Variants in PHLPP1 observed in about 807,000 individuals in gnomAD.
PHLPP1 encodes the protein PH domain and leucine rich repeat protein phosphatase 1, also known as PH domain leucine-rich repeat-containing protein phosphatase 1.
In PHLPP1, 42 loss-of-function variants were observed where a neutral mutation model predicts 117.2. The ratio of observed to expected loss-of-function variants is 0.36; its 90% CI spans 0.28 to 0.46. PHLPP1 has a LOEUF of 0.46. PHLPP1 is among the 20% of genes least tolerant of loss of function. The pLI is 1.00. For missense variants in PHLPP1, 2,084 were observed against 2,241.9 expected, an observed-to-expected ratio of 0.93 and a Z score of 1.42; for synonymous variants, 1,042 against 970.7, an observed-to-expected ratio of 1.07 and a Z score of -1.37.
chr18:62,785,205 G>A (rs936321547), intron 1 of PHLPP1, among the ~76,000 whole-genome samples: 2 of 152,178 alleles, frequency 1.3e-5, no homozygotes, highest in African/African-American at 2.4e-5. Flanking sequence ...TAGTGCCGTG[G>A]CTGCCAACAG....
intron 10 of PHLPP1, among the ~76,000 whole-genome samples, chr18:62,924,358 T>C (rs1909562714): frequency 6.6e-6 from 1 of 152,084 alleles, no homozygotes; most frequent in African/African-American, 2.4e-5. Context: ...GCTTTATATG[T>C]TTCAGTGGTT....
intron 1 of PHLPP1, among the ~76,000 whole-genome samples, chr18:62,718,368 A>G (rs1227660316): frequency 6.6e-6 from 1 of 152,266 alleles, no homozygotes; most frequent in East Asian, 1.9e-4. Context: ...ATTCTTTACA[A>G]TTTAATGTCT....
intron 1 of PHLPP1, among the ~76,000 whole-genome samples, chr18:62,774,840 C>T (rs1912901246): frequency 6.6e-6 from 1 of 150,730 alleles, no homozygotes; most frequent in African/African-American, 2.4e-5. Flanking sequence ...TGGGAACAAA[C>T]AAAAATACCT....
At chr18:62,850,968 G>C (rs989188639) in intron 3 of PHLPP1, among the ~76,000 whole-genome samples, 1 of 152,184 alleles carries the variant, frequency 6.6e-6, no homozygotes, top group Non-Finnish European at 1.5e-5. Context: ...CCCTGTGTGT[G>C]CTCTTATGGC....
intron 10 of PHLPP1, among the ~76,000 whole-genome samples, chr18:62,921,542 A>T (rs1225264998): frequency 6.6e-6 from 1 of 152,172 alleles, no homozygotes; most frequent in Admixed American, 6.5e-5. Flanking sequence ...CCATTATTAG[A>T]TTACTAACAC....
Position 62,715,829 on chromosome 18 carries a change from G to T in PHLPP1, c.146G>T (p.Arg49Leu). 1 of 752,810 alleles carries T rather than the reference G, an allele frequency of 1.3e-6. No homozygotes were observed. Among genetic ancestry groups the T allele is most frequent in the South Asian group, 5.8e-5 (1 of 17,340 alleles). The allele number at this position is 752,810 out of a possible 1,614,324, so 46.6% of individuals were successfully genotyped here. ...AALAAAAGGG[R>L]SPEPALTPAA... ...CTGGCGGCGGCGGCCGGGGGCGGCC[G>T]GAGTCCGGAGCCCGCGCTGACCCCG... The change falls in exon 1 of 17, where the codon CGG (arginine) becomes CTG (leucine). Residue 49 changes from arginine to leucine, a missense_variant. Arg to Leu is a moderately radical substitution (Grantham distance 102). This residue lies in a region of PHLPP1 where 719 missense variants were observed against 636.0 expected (regional missense o/e 1.13). Coordinates refer to ENST00000262719, the MANE Select transcript of PHLPP1 (RefSeq NM_194449.4).
intron 4 of PHLPP1, among the ~76,000 whole-genome samples, chr18:62,887,872 G>T (rs1288203933): frequency 6.6e-6 from 1 of 152,062 alleles, no homozygotes; most frequent in Non-Finnish European, 1.5e-5. Context: ...CAAGTAGCTG[G>T]GACCACAGGC....
In PHLPP1 at chr18:62,716,007, C is replaced by A. The variant is rs1910714875; in HGVS notation, c.324C>A (p.Pro108=). The change falls in exon 1 of 17, where the codon CCC becomes CCA. Residue 108 remains proline, a synonymous_variant. Transcript: ENST00000262719. The surrounding 1 kb of genome is among the most constrained non-coding windows in gnomAD (Gnocchi z 5.7). ...APQPIAGGAA[P]VPGAGGGANS... ...AGCCCATTGCCGGCGGGGCTGCCCC[C>A]GTACCCGGGGCCGGCGGCGGCGCCA... 3.6e-6 allele frequency: 5 copies of A among 1,380,912 alleles called. No individual in the cohort carries two copies. Among genetic ancestry groups the A allele is most frequent in the East Asian group, 3.1e-5 (1 of 32,606 alleles). The allele number at this position is 1,380,912 out of a possible 1,614,324, so 85.5% of individuals were successfully genotyped here.
At chr18:62,871,799 C>T (rs1182818124) in intron 4 of PHLPP1, among the ~76,000 whole-genome samples, 1 of 151,960 alleles carries the variant, frequency 6.6e-6, no homozygotes. Context: ...CACGCGCCAC[C>T]ACGCCCAGCA....
At chr18:62,961,269 G>A (rs1599143093) in intron 13 of PHLPP1, among the ~76,000 whole-genome samples, 1 of 152,092 alleles carries the variant, frequency 6.6e-6, no homozygotes, top group African/African-American at 2.4e-5. Context: ...ACTCCAGCCT[G>A]GGCAGCAAGA....
At chr18:62,736,461 C>G (rs1202377943) in intron 1 of PHLPP1, among the ~76,000 whole-genome samples, 1 of 152,094 alleles carries the variant, frequency 6.6e-6, no homozygotes, top group African/African-American at 2.4e-5. Flanking sequence ...AGCTAACTGG[C>G]TCTTTTGGCA....
intron 1 of PHLPP1, among the ~76,000 whole-genome samples, chr18:62,826,488 A>G (rs1351958548): frequency 6.6e-6 from 1 of 152,150 alleles, no homozygotes; most frequent in African/African-American, 2.4e-5. Context: ...CTACATTTTT[A>G]GAGGTTTTGC....
At chr18:62,846,145 G>C (rs995109457) in intron 3 of PHLPP1, among the ~76,000 whole-genome samples, 1 of 147,998 alleles carries the variant, frequency 6.8e-6, no homozygotes, top group Non-Finnish European at 1.5e-5. Flanking sequence ...GGAGGTAGAG[G>C]TTGCAGTGAC....
intron 3 of PHLPP1, among the ~76,000 whole-genome samples, chr18:62,852,501 G>A (rs1373167021): frequency 3.9e-5 from 6 of 151,960 alleles, no homozygotes; most frequent in Admixed American, 2.0e-4. Flanking sequence ...CTGCCGCCAC[G>A]CCCGGCTAAT....
chr18:62,815,129 C>G (rs1052914786), intron 1 of PHLPP1, among the ~76,000 whole-genome samples: 4 of 149,624 alleles, frequency 2.7e-5, no homozygotes, highest in Non-Finnish European at 4.4e-5. Context: ...TGGATTTGAC[C>G]GTGGCTGGAG....
rs371268211 is a variant in PHLPP1, at chr18:62,720,233, T to C, written c.1576+2974T>C. On this transcript the variant is annotated intron_variant, in intron 1 of 16. Transcript: ENST00000262719. ...TAAGTTATGGACTCCTAAACATGAA[T>C]GAGCTTTTGTTTTAGACTCTCTGGG... 1.9e-4 allele frequency among the ~76,000 whole-genome samples: 29 copies of C among 152,334 alleles called. No individual in the cohort carries two copies. The South Asian group carries it at 5.8e-3, about 30-fold the overall frequency.
intron 3 of PHLPP1, among the ~76,000 whole-genome samples, chr18:62,848,455 A>ATTTT (rs56223512): frequency 1.3e-3 from 113 of 88,508 alleles, no homozygotes; most frequent in African/African-American, 2.1e-3. Flanking sequence ...TTTTTTGTTG[A>ATTTT]TTTTTTTTTT....
intron 1 of PHLPP1, among the ~76,000 whole-genome samples, chr18:62,742,473 G>A (rs1911557157): frequency 1.3e-5 from 2 of 151,582 alleles, no homozygotes; most frequent in South Asian, 2.1e-4. Flanking sequence ...TTGCTCTGTC[G>A]CCCAGGCTGG....
chr18:62,816,397 C>T (rs937634647), intron 1 of PHLPP1, among the ~76,000 whole-genome samples: 1 of 152,064 alleles, frequency 6.6e-6, no homozygotes, highest in Non-Finnish European at 1.5e-5. Flanking sequence ...AACCCTGTCT[C>T]TACTAAAAAT....
Sources: allele counts gnomAD v4.1 joint callset (sites outside exome capture counted in the v4.1 genomes callset), GRCh38; gene constraint gnomAD v4.1.1; regional missense constraint gnomAD v4.1.1; non-coding constraint Gnocchi (gnomAD v3.1); transcripts MANE v1.5; gene names NCBI Gene and HGNC (gene_info 2026-07-23, HGNC 2026-07-21).